ANGPT2: variants seen among roughly 807,000 people sequenced by gnomAD.
ANGPT2 encodes angiopoietin-2.
ANGPT2 carries 28 observed loss-of-function variants against 62.9 expected under a neutral mutation model. That is an observed-to-expected ratio of 0.44 (90% CI 0.33 to 0.61). ANGPT2 has a LOEUF of 0.61. Ranked by LOEUF, ANGPT2 falls within the 20% of genes least tolerant of loss-of-function variation. The pLI is 0.03. For missense variants in ANGPT2, 727 were observed against 594.9 expected, an observed-to-expected ratio of 1.22 and a Z score of -2.31; for synonymous variants, 284 against 207.8, an observed-to-expected ratio of 1.37 and a Z score of -3.15.
intron 4 of ANGPT2, 76 bp from the exon 5 acceptor site, chr8:6,520,067 A>T: frequency 6.5e-7 from 1 of 1,544,282 alleles, no homozygotes; most frequent in South Asian, 1.2e-5. Context: ...AGAGCCAATC[A>T]TTTGGTGAGT....
chr8:6,550,979 C>T (rs1055566477), intron 1 of ANGPT2, among the ~76,000 whole-genome samples: 2 of 152,222 alleles, frequency 1.3e-5, no homozygotes, highest in African/African-American at 4.8e-5. Flanking sequence ...TCCTAATAAA[C>T]AGTGTCCTTT....
chr8:6,543,451 T>C (rs762230522), intron 1 of ANGPT2, among the ~76,000 whole-genome samples: 4 of 152,154 alleles, frequency 2.6e-5, no homozygotes, highest in African/African-American at 4.8e-5. Context: ...CTGCAGCAAC[T>C]TGAGACTCCT....
chr8:6,514,629 T>C, intron 6 of ANGPT2, 48 bp downstream of exon 6: 3 of 1,544,210 alleles, frequency 1.9e-6, no homozygotes, highest in East Asian at 2.3e-5. Context: ...TTGAAAGCTA[T>C]TTTTCACAAG....
intron 1 of ANGPT2, among the ~76,000 whole-genome samples, chr8:6,552,375 T>G (rs183634358): frequency 6.0e-4 from 92 of 152,326 alleles, no homozygotes; most frequent in Non-Finnish European, 2.9e-5. Flanking sequence ...GAGGCACTCA[T>G]GCAATATGCA....
chr8:6,514,676 C>A lies in ANGPT2; in HGVS notation c.1029+1G>T. On this transcript the variant is annotated splice_donor_variant, in intron 6 of 8. Coordinates refer to ENST00000629816, the MANE Select transcript of ANGPT2 (RefSeq NM_001118887.2). LOFTEE classifies it high-confidence loss of function. Reference sequence around the variant, plus strand: ...TCTGATGCCTTAAAGAATGTCCTTACCACTTTATATTCTTTCCAAGTCCTC... The same window carrying A: ...TCTGATGCCTTAAAGAATGTCCTTAACACTTTATATTCTTTCCAAGTCCTC... 6.2e-7 allele frequency: 1 copy of A among 1,613,326 alleles called. No individual in the cohort carries two copies. Among genetic ancestry groups the A allele is most frequent in the South Asian group, 1.1e-5 (1 of 91,050 alleles).
chr8:6,540,059 A>G (rs1028411626), intron 1 of ANGPT2, among the ~76,000 whole-genome samples: 3 of 152,288 alleles, frequency 2.0e-5, no homozygotes, highest in African/African-American at 2.4e-5. Context: ...TTAATAGTCC[A>G]TGCCTCTCCT....
Position 6,500,061 on chromosome 8 carries a change from G to T in ANGPT2, c.*3040C>A. The T allele has an allele frequency of 1.3e-6, 1 of 757,428 alleles. No homozygotes were observed. 46.9% of individuals were successfully genotyped at this position (757,428 alleles called of 1,614,324 possible). Reference sequence around the variant, plus strand: ...GCCCATAATTAAAAAGACATTCACAGAACTTAACACCTTTTATCAATTTAT... The same window carrying T: ...GCCCATAATTAAAAAGACATTCACATAACTTAACACCTTTTATCAATTTAT... On this transcript the variant is annotated 3_prime_UTR_variant, in exon 9 of 9. Coordinates refer to ENST00000629816, the MANE Select transcript of ANGPT2 (RefSeq NM_001118887.2).
chr8:6,532,250 C>G (rs1819661017), intron 2 of ANGPT2, 82 bp downstream of exon 2: 2 of 1,529,796 alleles, frequency 1.3e-6, no homozygotes, highest in Non-Finnish European at 1.8e-6. Context: ...TTTCTCATGC[C>G]TTCATTGAGG....
At chr8:6,517,285 T>C (rs1010772871) in intron 5 of ANGPT2, among the ~76,000 whole-genome samples, 1 of 152,184 alleles carries the variant, frequency 6.6e-6, no homozygotes, top group Non-Finnish European at 1.5e-5. Context: ...CTATAAAGCT[T>C]GATGTTTTTC....
chr8:6,505,251 T>TATGTATATATAGAATA (rs1563305171), intron 8 of ANGPT2, among the ~76,000 whole-genome samples: 2 of 82,220 alleles, frequency 2.4e-5, no homozygotes, highest in African/African-American at 1.0e-4. Context: ...TATATATTCT[T>TATGTATATATAGAATA]TATATATGTT....
At chr8:6,540,381 A>T (rs541382819) in intron 1 of ANGPT2, among the ~76,000 whole-genome samples, 23 of 152,322 alleles carry the variant, frequency 1.5e-4, no homozygotes, top group Admixed American at 2.6e-4. Context: ...AAGTTTAAGG[A>T]GACTGCTGTA....
At chr8:6,508,832 C>T (rs1034837727) in intron 8 of ANGPT2, 100 bp downstream of exon 8, 22 of 1,523,082 alleles carry the variant, frequency 1.4e-5, no homozygotes, top group Non-Finnish European at 1.6e-5. Flanking sequence ...AAATTGTGGA[C>T]ATCGTTACAA....
chr8:6,505,134 C>A (rs1031644796), intron 8 of ANGPT2, among the ~76,000 whole-genome samples: 1 of 65,486 alleles, frequency 1.5e-5, no homozygotes, highest in East Asian at 7.0e-4. Flanking sequence ...TTTAGCCTTA[C>A]CCGTAATGCA....
rs114908594 is a variant in ANGPT2, at chr8:6,552,434, G to A, written c.288+10213C>T. Among the ~76,000 whole-genome samples the A allele has an allele frequency of 6.8e-3, 1,037 of 152,274 alleles. 14 individuals carry two copies. The highest frequency in any genetic ancestry group is 0.024 in the African/African-American group (988 of 41,548). On this transcript the variant is annotated intron_variant, in intron 1 of 8. Transcript: ENST00000629816. ...ACTTACGATGGTCCTTTTCATTGTC[G>A]AAAAGGAATTCATTATCTTTCGAGT...
At chr8:6,543,839 G>A (rs1822052930) in intron 1 of ANGPT2, among the ~76,000 whole-genome samples, 1 of 152,146 alleles carries the variant, frequency 6.6e-6, no homozygotes, top group Non-Finnish European at 1.5e-5. Context: ...CCCCCTGTGT[G>A]CATGGACTTT....
chr8:6,560,370 A>G (rs1398492633), intron 1 of ANGPT2, among the ~76,000 whole-genome samples: 1 of 152,206 alleles, frequency 6.6e-6, no homozygotes, highest in East Asian at 1.9e-4. Flanking sequence ...TCCATTTTAT[A>G]TTATTTTCTT....
chr8:6,534,007 C>T (rs1460653956), intron 1 of ANGPT2, among the ~76,000 whole-genome samples: 4 of 152,060 alleles, frequency 2.6e-5, no homozygotes, highest in South Asian at 2.1e-4. Flanking sequence ...GATGCCCCCT[C>T]GCCATCGACT....
intron 5 of ANGPT2, 71 bp from the exon 6 acceptor site, chr8:6,514,849 G>A: frequency 1.5e-6 from 2 of 1,346,820 alleles, no homozygotes; most frequent in Non-Finnish European, 2.1e-6. Flanking sequence ...GAAGCAGGAG[G>A]AATGTAGACC....
chr8:6,535,943 G>A (rs1472452327), intron 1 of ANGPT2, among the ~76,000 whole-genome samples: 3 of 152,058 alleles, frequency 2.0e-5, no homozygotes, highest in Non-Finnish European at 2.9e-5. Flanking sequence ...TGTAGTCTCA[G>A]GTACTGGGGA....
Sources: gnomAD v4.1 joint callset for allele counts (sites outside exome capture counted in the v4.1 genomes callset) on GRCh38, gnomAD v4.1.1 for gene constraint, MANE v1.5 for transcripts, NCBI Gene and HGNC (gene_info 2026-07-23, HGNC 2026-07-21) for gene names.